The following RALGAPA1 variants were observed in gnomAD, a reference collection of about 807,000 sequenced individuals.
RALGAPA1 encodes Ral GTPase activating protein catalytic subunit alpha 1, also known as ral GTPase-activating protein subunit alpha-1.
A neutral mutation model predicts 269.6 loss-of-function variants in RALGAPA1; 52 were observed. The observed-to-expected ratio is 0.19, with a 90% CI of 0.15 to 0.24. The LOEUF (loss-of-function observed/expected upper bound fraction) is 0.24, where lower values mean the gene tolerates loss of function less well. RALGAPA1 is among the 10% of genes least tolerant of loss of function. The pLI is 1.00. For missense variants in RALGAPA1, 1,917 were observed against 3,013.9 expected, an observed-to-expected ratio of 0.64 and a Z score of 8.52; for synonymous variants, 817 against 1,008.3, an observed-to-expected ratio of 0.81 and a Z score of 3.60.
At position 35,675,599 on chromosome 14, in the gene RALGAPA1, CTAAT is replaced by C. The variant is rs2064873054; in HGVS notation, c.4625-894_4625-891del. Among the ~76,000 whole-genome samples, 3 of 152,214 alleles carry C rather than the reference CTAAT, an allele frequency of 2.0e-5. No homozygotes were observed. The South Asian group carries it at 6.2e-4, about 32-fold the overall frequency. ...TCTTAGTTCTAGTCTCTTTCTGCTA[CTAAT>C]TATGTGTTATAAAAGTTATTTAATA... On this transcript the variant is annotated intron_variant, in intron 22 of 41. Coordinates refer to ENST00000680220, the MANE Select transcript of RALGAPA1 (RefSeq NM_001346249.2).
intron 35 of RALGAPA1, among the ~76,000 whole-genome samples, chr14:35,620,885 G>T (rs1026717094): frequency 1.3e-5 from 2 of 151,972 alleles, no homozygotes; most frequent in Non-Finnish European, 2.9e-5. Context: ...ATGGAAGAAT[G>T]CTCATGCTCA....
At chr14:35,666,558 T>C (rs1167008485) in intron 26 of RALGAPA1, among the ~76,000 whole-genome samples, 2 of 152,156 alleles carry the variant, frequency 1.3e-5, no homozygotes, top group Non-Finnish European at 2.9e-5. Context: ...TCAGAGGAAA[T>C]GACTTGTTTT....
At chr14:35,715,551 C>A (rs1387978967) in intron 16 of RALGAPA1, among the ~76,000 whole-genome samples, 1 of 151,840 alleles carries the variant, frequency 6.6e-6, no homozygotes, top group Non-Finnish European at 1.5e-5. Flanking sequence ...TTTGCTAACT[C>A]ATTTACATAA....
intron 16 of RALGAPA1, among the ~76,000 whole-genome samples, chr14:35,716,397 CAAAAAAAAAA>C (rs78953823): frequency 4.5e-5 from 2 of 44,620 alleles, no homozygotes; most frequent in East Asian, 6.1e-4. Flanking sequence ...GACTCCGTCT[CAAAAAAAAAA>C]AAAAAAAAAA....
chr14:35,645,346 G>GGTGTGTGTGTGTGTGTGTGTGTGT (rs58039867), intron 31 of RALGAPA1, among the ~76,000 whole-genome samples: 49 of 129,544 alleles, frequency 3.8e-4, no homozygotes, highest in African/African-American at 9.1e-4. Context: ...TATAGAGATG[G>GGTGTGTGTGTGTGTGTGTGTGTGT]GTGTGTGTGT....
chr14:35,682,899 C>A (rs756163564), intron 21 of RALGAPA1, among the ~76,000 whole-genome samples: 3 of 152,090 alleles, frequency 2.0e-5, no homozygotes, highest in Non-Finnish European at 4.4e-5. Context: ...AAAAAGGAGG[C>A]AGGATATGAA....
At chr14:35,724,959 C>CAACAA (rs534086524) in intron 14 of RALGAPA1, 65 bp downstream of exon 14, 5 of 1,268,756 alleles carry the variant, frequency 3.9e-6, no homozygotes, top group African/African-American at 1.5e-5. Context: ...AACAAACAAA[C>CAACAA]AACAAAACAA....
rs1052268885 is a variant in RALGAPA1, at chr14:35,775,836, G to T, written c.107-91C>A. On this transcript the variant is annotated intron_variant, in intron 1 of 41. Transcript: ENST00000680220. ...GCGACAAGTTTCCTTCAAAGTCAAA[G>T]AACTGCTCCTAAAATTCTATTCTAT... is the stretch of plus-strand genomic sequence containing the variant. 4.1e-6 allele frequency: 5 copies of T among 1,214,722 alleles called. No homozygotes were observed. In the Admixed American group the frequency reaches 1.5e-4, roughly 37 times the overall value. 75.2% of individuals were successfully genotyped at this position (1,214,722 alleles called of 1,614,324 possible).
chr14:35,713,398 T>C (rs2140868914), intron 16 of RALGAPA1, among the ~76,000 whole-genome samples: 1 of 152,336 alleles, frequency 6.6e-6, no homozygotes, highest in East Asian at 1.9e-4. Flanking sequence ...TCCCCACTGT[T>C]TGTCCTTCAT....
chr14:35,677,825 G>A, intron 22 of RALGAPA1, 125 bp downstream of exon 22: 1 of 824,680 alleles, frequency 1.2e-6, no homozygotes, highest in Non-Finnish European at 1.9e-6. Context: ...ATTTCCAAAG[G>A]ACTTAGAAAA....
chr14:35,692,824 C>A (rs1167656062), intron 17 of RALGAPA1, among the ~76,000 whole-genome samples: 1 of 151,780 alleles, frequency 6.6e-6, no homozygotes, highest in African/African-American at 2.4e-5. Flanking sequence ...CTCTAATAAG[C>A]CTTACATTAG....
intron 37 of RALGAPA1, among the ~76,000 whole-genome samples, chr14:35,587,393 C>T (rs990701881): frequency 5.9e-5 from 9 of 152,148 alleles, no homozygotes; most frequent in African/African-American, 2.2e-4. Context: ...AAGTATAAAT[C>T]ATGCTGCTGT....
At chr14:35,792,803 GAGAAAGAAAGAAAGAGAA>G (rs1567241241) in intron 1 of RALGAPA1, among the ~76,000 whole-genome samples, 2 of 108,982 alleles carry the variant, frequency 1.8e-5, no homozygotes, top group Non-Finnish European at 3.7e-5. Context: ...AAGAAAGAAA[GAGAAAGAAAGAAAGAGAA>G]AGAAAGAAAG....
At chr14:35,752,795 G>A (rs1230851502) in intron 7 of RALGAPA1, among the ~76,000 whole-genome samples, 3 of 152,170 alleles carry the variant, frequency 2.0e-5, no homozygotes, top group Non-Finnish European at 1.5e-5. Flanking sequence ...GTCTGCAGAG[G>A]AGGGCAATGG....
chr14:35,559,916 T>A (rs892417150), intron 39 of RALGAPA1, among the ~76,000 whole-genome samples: 2 of 152,198 alleles, frequency 1.3e-5, no homozygotes, highest in African/African-American at 4.8e-5. Context: ...ATAAGAAATA[T>A]GAAAATCTCA....
chr14:35,627,662 T>C lies in RALGAPA1; in HGVS notation c.6285A>G (p.Ala2095=), dbSNP rs768027154. ...MPGGGLSAGL[A]SANSNVRIIV... ...TGATTCTGACATTTGAATTGGCTGA[T>C]GCAAGGCCAGCAGATAAACCTCCTC... Residue 2095 remains alanine, a synonymous_variant, in exon 34 of 42, where the codon GCA becomes GCG. Transcript: ENST00000680220. The C allele has an allele frequency of 1.9e-6, 3 of 1,580,864 alleles. No homozygotes were observed. Among genetic ancestry groups the C allele is most frequent in the African/African-American group, 1.4e-5 (1 of 73,380 alleles).
intron 17 of RALGAPA1, among the ~76,000 whole-genome samples, chr14:35,698,140 A>G (rs1401198509): frequency 6.6e-6 from 1 of 152,200 alleles, no homozygotes; most frequent in Non-Finnish European, 1.5e-5. Flanking sequence ...CATAGAAGGC[A>G]TATTACCCCA....
intron 37 of RALGAPA1, among the ~76,000 whole-genome samples, chr14:35,573,717 G>A (rs769860715): frequency 7.2e-5 from 11 of 152,140 alleles, no homozygotes; most frequent in African/African-American, 1.4e-4. Context: ...TAATCCTGGA[G>A]TAACTCCTTA....
At chr14:35,769,290 CA>C (rs1660181652) in intron 4 of RALGAPA1, among the ~76,000 whole-genome samples, 1 of 151,680 alleles carries the variant, frequency 6.6e-6, no homozygotes, top group South Asian at 2.1e-4. Context: ...TCCGGTGCAG[CA>C]ACATTTAGCA....
Sources: allele counts gnomAD v4.1 joint callset (sites outside exome capture counted in the v4.1 genomes callset), GRCh38; gene constraint gnomAD v4.1.1; transcripts MANE v1.5; gene names NCBI Gene and HGNC (gene_info 2026-07-23, HGNC 2026-07-21).